Variants in ULK4 observed in about 807,000 individuals in gnomAD.
ULK4 encodes unc-51 like kinase 4.
Under a neutral mutation model 160.6 loss-of-function variants are expected in ULK4, and 133 were observed. That is an observed-to-expected ratio of 0.83 (90% CI 0.72 to 0.96). The LOEUF is 0.96. ULK4 is among the 40% of genes least tolerant of loss of function. The probability of loss-of-function intolerance (pLI) is 0.00; values close to 1 mark genes in which losing one functional copy is unlikely to be tolerated. For synonymous variants in ULK4, 534 were observed against 539.8 expected, an observed-to-expected ratio of 0.99 and a Z score of 0.15; for missense variants, 1,580 against 1,499.5, an observed-to-expected ratio of 1.05 and a Z score of -0.89.
intron 35 of ULK4, among the ~76,000 whole-genome samples, chr3:41,393,278 T>G (rs2081992494): frequency 6.6e-6 from 1 of 152,144 alleles, no homozygotes; most frequent in African/African-American, 2.4e-5. Context: ...CTAATTCAAT[T>G]AAGATGCTGC....
chr3:41,403,165 A>G (rs2082219570), intron 34 of ULK4, among the ~76,000 whole-genome samples: 1 of 151,114 alleles, frequency 6.6e-6, no homozygotes, highest in Non-Finnish European at 1.5e-5. Context: ...AAAAAAAAAA[A>G]GTAATTATAT....
chr3:41,529,522 T>C (rs1206155808), intron 32 of ULK4, among the ~76,000 whole-genome samples: 1 of 152,214 alleles, frequency 6.6e-6, no homozygotes, highest in Non-Finnish European at 1.5e-5. Flanking sequence ...TGTCATTCTG[T>C]CACCCAGGCT....
At chr3:41,441,521 T>C (rs577708685) in intron 34 of ULK4, among the ~76,000 whole-genome samples, 144 of 152,178 alleles carry the variant, frequency 9.5e-4, no homozygotes, top group African/African-American at 3.3e-3. Flanking sequence ...TTTCTCTATA[T>C]TACAAAATAT....
chr3:41,881,373 A>C (rs1697514873), intron 17 of ULK4, among the ~76,000 whole-genome samples: 1 of 151,866 alleles, frequency 6.6e-6, no homozygotes, highest in African/African-American at 2.4e-5. Context: ...TGCTTTTGGA[A>C]ACTGAAACAT....
intron 31 of ULK4, among the ~76,000 whole-genome samples, chr3:41,579,064 C>A (rs2029992498): frequency 6.6e-6 from 1 of 152,124 alleles, no homozygotes; most frequent in Non-Finnish European, 1.5e-5. Context: ...TTGTCATGTC[C>A]ACTGTTTCTG....
intron 35 of ULK4, among the ~76,000 whole-genome samples, chr3:41,276,667 C>T (rs1949836): frequency 0.56 from 85,367 of 152,050 alleles, 25,976 homozygotes; most frequent in African/African-American, 0.82. Flanking sequence ...AAACAAGAAA[C>T]TGGGAAAATA....
intron 17 of ULK4, among the ~76,000 whole-genome samples, chr3:41,867,648 A>T (rs1016336541): frequency 6.6e-5 from 10 of 152,186 alleles, no homozygotes; most frequent in Admixed American, 2.6e-4. Context: ...AAGTGCTGGG[A>T]TTACAGGCAT....
At chr3:41,722,399 C>A (rs534128843) in intron 22 of ULK4, among the ~76,000 whole-genome samples, 1 of 152,112 alleles carries the variant, frequency 6.6e-6, no homozygotes, top group Non-Finnish European at 1.5e-5. Context: ...GAGGCCATGG[C>A]GGGTGGATCA....
chr3:41,518,183 G>A (rs2085814981), intron 32 of ULK4, among the ~76,000 whole-genome samples: 1 of 152,160 alleles, frequency 6.6e-6, no homozygotes, highest in Non-Finnish European at 1.5e-5. Context: ...GTAACTAGGA[G>A]ATACCTAGAG....
chr3:41,524,387 C>T lies in ULK4; in HGVS notation c.3226+41638G>A, dbSNP rs117756301. Among the ~76,000 whole-genome samples, 35 of 152,272 alleles carry T rather than the reference C, an allele frequency of 2.3e-4. No homozygotes were observed. In the East Asian group the frequency reaches 5.6e-3, roughly 24 times the overall value. ...TCGTACTCCTCCACCTTCTTTCTCC[C>T]ACCTCTTACTCCTTTGAATGGACTT... is the stretch of plus-strand genomic sequence containing the variant. On this transcript the variant is annotated intron_variant, in intron 32 of 36. Coordinates refer to ENST00000301831, the MANE Select transcript of ULK4 (RefSeq NM_017886.4).
intron 34 of ULK4, among the ~76,000 whole-genome samples, chr3:41,427,026 AAAG>A (rs2082792248): frequency 6.6e-6 from 1 of 152,182 alleles, no homozygotes; most frequent in East Asian, 1.9e-4. Context: ...CTAGACAAAT[AAAG>A]AAGAAAAGAG....
intron 31 of ULK4, among the ~76,000 whole-genome samples, chr3:41,599,311 A>G (rs1319191990): frequency 6.6e-6 from 1 of 152,174 alleles, no homozygotes; most frequent in Admixed American, 6.5e-5. Flanking sequence ...GGATAATCTT[A>G]TATCTACATC....
At chr3:41,431,627 T>C (rs1018953999) in intron 34 of ULK4, among the ~76,000 whole-genome samples, 1 of 146,766 alleles carries the variant, frequency 6.8e-6, no homozygotes, top group Non-Finnish European at 1.5e-5. Flanking sequence ...TAAAGCCTAC[T>C]CAACCACACT....
chr3:41,369,912 A>G (rs2081329285), intron 35 of ULK4, among the ~76,000 whole-genome samples: 1 of 152,224 alleles, frequency 6.6e-6, no homozygotes, highest in Non-Finnish European at 1.5e-5. Flanking sequence ...AAAGAAAAAA[A>G]AAATCTATTT....
chr3:41,361,531 CTG>C (rs1380942566), intron 35 of ULK4, among the ~76,000 whole-genome samples: 1 of 152,150 alleles, frequency 6.6e-6, no homozygotes, highest in African/African-American at 2.4e-5. Context: ...ACAAATAAAA[CTG>C]TTTAGAACTT....
intron 21 of ULK4, among the ~76,000 whole-genome samples, chr3:41,767,999 C>T (rs1362319851): frequency 3.3e-5 from 5 of 152,252 alleles, no homozygotes; most frequent in African/African-American, 9.6e-5. Context: ...GGTGGGCGAG[C>T]TAGCATTCTC....
intron 33 of ULK4, among the ~76,000 whole-genome samples, chr3:41,461,169 AT>A (rs1365116297): frequency 2.0e-5 from 3 of 152,152 alleles, no homozygotes; most frequent in African/African-American, 7.2e-5. Flanking sequence ...TACTTGCATC[AT>A]ACCACTCTCC....
chr3:41,490,235 CATT>C (rs1392795894), intron 32 of ULK4, among the ~76,000 whole-genome samples: 1 of 152,198 alleles, frequency 6.6e-6, no homozygotes, highest in African/African-American at 2.4e-5. Flanking sequence ...TGCTTAACAT[CATT>C]GACATAATGT....
intron 34 of ULK4, among the ~76,000 whole-genome samples, chr3:41,453,504 G>C (rs2083469918): frequency 6.6e-6 from 1 of 152,134 alleles, no homozygotes; most frequent in Non-Finnish European, 1.5e-5. Context: ...AGCTATATTT[G>C]TTGAACACAT....
Sources: allele counts gnomAD v4.1 joint callset (sites outside exome capture counted in the v4.1 genomes callset), GRCh38; gene constraint gnomAD v4.1.1; transcripts MANE v1.5; gene names NCBI Gene and HGNC (gene_info 2026-07-23, HGNC 2026-07-21).